The following IARS1 variants were observed in gnomAD, a reference collection of about 807,000 sequenced individuals.
The protein encoded by IARS1 is isoleucyl-tRNA synthetase 1.
A neutral mutation model predicts 168.2 loss-of-function variants in IARS1; 124 were observed. The ratio of observed to expected loss-of-function variants is 0.74; its 90% CI spans 0.64 to 0.86. IARS1 has a LOEUF of 0.86. Ranked by LOEUF, IARS1 falls within the 40% of genes least tolerant of loss-of-function variation. The probability of loss-of-function intolerance (pLI) is 0.00; values close to 1 mark genes in which losing one functional copy is unlikely to be tolerated. For missense variants in IARS1, 1,452 were observed against 1,515.8 expected (o/e 0.96, Z 0.70); for synonymous variants, 532 against 529.4 (o/e 1.00, Z -0.07).
chr9:92,280,286 A>C (rs1240681727), intron 7 of IARS1, among the ~76,000 whole-genome samples: 1 of 152,202 alleles, frequency 6.6e-6, no homozygotes, highest in Non-Finnish European at 1.5e-5. Flanking sequence ...TACCGCCACA[A>C]AACTACCAAA....
At chr9:92,231,420 T>C (rs1196898796) in intron 30 of IARS1, among the ~76,000 whole-genome samples, 2 of 151,198 alleles carry the variant, frequency 1.3e-5, no homozygotes, top group East Asian at 3.9e-4. Context: ...TTTTCTTTTT[T>C]TTTTTTTTTT....
intron 33 of IARS1, among the ~76,000 whole-genome samples, chr9:92,215,001 T>A (rs1046449700): frequency 6.6e-6 from 1 of 152,186 alleles, no homozygotes; most frequent in African/African-American, 2.4e-5. Context: ...AGCAGTAACC[T>A]CTGCAGACTT....
At chr9:92,251,193 A>G (rs1282390635) in intron 22 of IARS1, 1 of 462,106 alleles carries the variant, frequency 2.2e-6, no homozygotes, top group Admixed American at 2.3e-5. Flanking sequence ...CACAGGATGG[A>G]GGTGATGAGA....
At chr9:92,271,698 T>C (rs1833059603) in intron 10 of IARS1, 43 bp from the exon 11 acceptor site, 1 of 1,606,882 alleles carries the variant, frequency 6.2e-7, no homozygotes, top group Non-Finnish European at 8.5e-7. Context: ...ACAGTCTATG[T>C]ATGGGTGTGA....
rs1833513955 is a variant in IARS1 at position 92,274,435 on chromosome 9, G to T, written c.981C>A (p.Tyr327Ter). 6.2e-7 allele frequency: 1 copy of T among 1,613,376 alleles called. No individual in the cohort carries two copies. Among genetic ancestry groups the T allele is most frequent in the South Asian group, 1.1e-5 (1 of 91,064 alleles). ...GACTTATGCTACTCACAGCACCGAA[G>T]TAAGGAGCTTGGTGGACAACCCCTG... ...EGTGVVHQAP[Y>*]FGAEDYRVCM... is the part of the protein sequence containing the mutation. Residue 327 changes from tyrosine (Y) to a stop codon, truncating the protein, a stop_gained, in exon 10 of 34, where the codon TAC becomes TAA. Coordinates refer to ENST00000443024, the MANE Select transcript of IARS1 (RefSeq NM_002161.6). LOFTEE classifies it high-confidence loss of function.
At chr9:92,261,151 T>C (rs1831469222) in intron 17 of IARS1, among the ~76,000 whole-genome samples, 1 of 151,896 alleles carries the variant, frequency 6.6e-6, no homozygotes, top group African/African-American at 2.4e-5. Flanking sequence ...CTACCAAAAA[T>C]ACAAAATATT....
Position 92,274,416 on chromosome 9 carries a change from T to G in IARS1, c.990+10A>C, listed in dbSNP as rs752568855. 202 of 1,603,896 alleles carry G rather than the reference T, an allele frequency of 1.3e-4. No homozygotes were observed. The highest frequency in any genetic ancestry group is 1.7e-4 in the Non-Finnish European group (194 of 1,170,758). On this transcript the variant is annotated intron_variant, in intron 10 of 33. Transcript: ENST00000443024. ...TACTCAAATACATTTGCCAGACTTA[T>G]GCTACTCACAGCACCGAAGTAAGGA...
intron 17 of IARS1, among the ~76,000 whole-genome samples, chr9:92,262,554 C>T (rs1231505729): frequency 6.6e-6 from 1 of 151,958 alleles, no homozygotes; most frequent in Non-Finnish European, 1.5e-5. Context: ...GGCAGAGTAC[C>T]TCGGTCAAGC....
intron 2 of IARS1, among the ~76,000 whole-genome samples, chr9:92,288,652 T>C (rs1296209004): frequency 6.6e-6 from 1 of 152,062 alleles, no homozygotes; most frequent in Non-Finnish European, 1.5e-5. Context: ...GTCTTTTAGG[T>C]GAATGAGGAC....
chr9:92,246,410 T>C (rs117139399), intron 26 of IARS1, among the ~76,000 whole-genome samples: 2,949 of 152,274 alleles, frequency 0.019, 38 homozygotes, highest in Non-Finnish European at 0.03. Context: ...AGACCATGTA[T>C]GATTCTAATC....
At position 92,278,285 on chromosome 9, in the gene IARS1, A is replaced by G; in HGVS notation, c.747T>C (p.Asp249=). 6 of 1,607,078 alleles carry G rather than the reference A, an allele frequency of 3.7e-6. No homozygotes were observed. The highest frequency in any genetic ancestry group is 5.1e-6 in the Non-Finnish European group (6 of 1,173,588). ...NPEMQYVKIK[D]VARGRLLILM... ...AAATGAGTAATCGTCCTCTGGCAAC[A>G]TCTACGAGAAAAAGGAAAAACATGG... Residue 249 remains aspartate, a splice_region_variant and synonymous_variant, in exon 8 of 34, where the codon GAT becomes GAC. Transcript: ENST00000443024.
intron 23 of IARS1, 91 bp from the exon 24 acceptor site, chr9:92,250,380 G>T: frequency 1.2e-6 from 1 of 851,176 alleles, no homozygotes; most frequent in Non-Finnish European, 2.0e-6. Context: ...AAGAGGGTCA[G>T]GCTAGAGAAG....
chr9:92,242,475 G>GT (rs1262761891), intron 28 of IARS1, 145 bp from the exon 29 acceptor site: 5 of 627,734 alleles, frequency 8.0e-6, no homozygotes, highest in Non-Finnish European at 1.4e-5. Context: ...TGGGTGATCC[G>GT]TAAGACTAAC....
chr9:92,250,605 G>T, intron 23 of IARS1, 108 bp downstream of exon 23: 1 of 1,278,686 alleles, frequency 7.8e-7, no homozygotes, highest in Non-Finnish European at 1.1e-6. Context: ...GGGGCGGGAG[G>T]CAAGGCACAG....
chr9:92,270,873 C>T lies in IARS1; in HGVS notation c.1205+112G>A, dbSNP rs35351098. The T allele has an allele frequency of 5.9e-6, 4 of 675,420 alleles. No individual in the cohort carries two copies. In the Admixed American group the frequency reaches 8.8e-5, roughly 15 times the overall value. 41.8% of individuals were successfully genotyped at this position (675,420 alleles called of 1,614,324 possible). A position where few individuals can be genotyped will look rare whatever the true frequency, so the allele number is the denominator to read the frequency against. ...AAGAAGGTGGCTTCCCAAACCAACT[C>T]TAAAGGATACAAGTGAGATGAACAC... is the stretch of plus-strand genomic sequence containing the variant. On this transcript the variant is annotated intron_variant, in intron 12 of 33. Coordinates refer to ENST00000443024, the MANE Select transcript of IARS1 (RefSeq NM_002161.6).
At position 92,250,861 on chromosome 9, in the gene IARS1, C is replaced by A; in HGVS notation, c.2308-27G>T. 3 of 1,569,422 alleles carry A rather than the reference C, an allele frequency of 1.9e-6. No homozygotes were observed. In the South Asian group the frequency reaches 3.6e-5, roughly 19 times the overall value. On this transcript the variant is annotated intron_variant, in intron 22 of 33. Coordinates refer to ENST00000443024, the MANE Select transcript of IARS1 (RefSeq NM_002161.6). ...TGTATGAAGACACAGGACATCATGT[C>A]AGTTATATGCAGTCATCAACAACTG...
At chr9:92,257,880 C>T (rs1454894248) in intron 19 of IARS1, among the ~76,000 whole-genome samples, 2 of 152,106 alleles carry the variant, frequency 1.3e-5, no homozygotes, top group African/African-American at 4.8e-5. Flanking sequence ...GTCTTGAAAG[C>T]CCATACAGGA....
chr9:92,292,017 T>A (rs940396552), intron 1 of IARS1, among the ~76,000 whole-genome samples: 3 of 39,914 alleles, frequency 7.5e-5, no homozygotes, highest in Admixed American at 1.8e-4. Context: ...GGATCATTCC[T>A]TTTTTTTTTT....
At chr9:92,246,226 A>G (rs1043846021) in intron 26 of IARS1, among the ~76,000 whole-genome samples, 5 of 152,160 alleles carry the variant, frequency 3.3e-5, no homozygotes, top group African/African-American at 1.2e-4. Context: ...TGTTTTATTA[A>G]TTCTATCTAA....
Sources: gnomAD v4.1 joint callset for allele counts (sites outside exome capture counted in the v4.1 genomes callset) on GRCh38, gnomAD v4.1.1 for gene constraint, MANE v1.5 for transcripts, NCBI Gene and HGNC (gene_info 2026-07-23, HGNC 2026-07-21) for gene names.